The following COLEC10 variants were observed in gnomAD, a reference collection of about 807,000 sequenced individuals.
COLEC10 encodes collectin-10.
A neutral mutation model predicts 28.4 loss-of-function variants in COLEC10; 22 were observed. The ratio of observed to expected loss-of-function variants is 0.78; its 90% CI spans 0.55 to 1.11. The LOEUF (loss-of-function observed/expected upper bound fraction) is 1.11. Among genes scored for constraint, COLEC10 ranks in the 50% least tolerant of loss-of-function variants. The pLI, the probability that COLEC10 is intolerant of heterozygous loss-of-function variation, is 0.00. For synonymous variants in COLEC10, 125 were observed against 116.1 expected (o/e 1.08, Z -0.49); for missense variants, 361 against 344.1 (o/e 1.05, Z -0.39).
At chr8:118,984,925 A>G in the COLEC10 span, among the ~76,000 whole-genome samples, 1 of 152,110 alleles carries the variant, frequency 6.6e-6, no homozygotes, top group Non-Finnish European at 1.5e-5. Flanking sequence ...GGCAACTCCC[A>G]TTTTTTAAAA....
At chr8:119,069,824 AT>A (rs1815067350) in intron 1 of COLEC10, among the ~76,000 whole-genome samples, 1 of 151,158 alleles carries the variant, frequency 6.6e-6, no homozygotes, top group Non-Finnish European at 1.5e-5. Context: ...TGTTTTTTCA[AT>A]ATTTTTCCCC....
intron 2 of COLEC10, among the ~76,000 whole-genome samples, chr8:119,043,706 T>C (rs1305119102): frequency 6.6e-6 from 1 of 152,252 alleles, no homozygotes; most frequent in Admixed American, 6.5e-5. Context: ...ATAGTTGGAA[T>C]GTATGTTTTA....
Position 119,091,207 on chromosome 8 carries a change from C to T in COLEC10, c.279C>T (p.Pro93=), listed in dbSNP as rs770657025. The change falls in exon 3 of 6, where the codon CCC becomes CCT. Residue 93 remains proline (P), a synonymous_variant. Transcript: ENST00000332843. Reference sequence around the variant, plus strand: ...AGGGCAATATTGGCAAGACTGGGCCCATTGGGAAGAAGGGTAAGTTGCATC... The same window carrying T: ...AGGGCAATATTGGCAAGACTGGGCCTATTGGGAAGAAGGGTAAGTTGCATC... The part of the protein sequence containing the change: ...GDQGNIGKTG[P]IGKKGDKGEK... 1.2e-5 allele frequency: 20 copies of T among 1,611,706 alleles called. No individual in the cohort carries two copies. The highest frequency in any genetic ancestry group is 1.6e-5 in the Non-Finnish European group (19 of 1,178,730).
the COLEC10 span, among the ~76,000 whole-genome samples, chr8:118,978,887 G>C: frequency 6.6e-6 from 1 of 151,666 alleles, no homozygotes; most frequent in Non-Finnish European, 1.5e-5. Flanking sequence ...TATCACTTAG[G>C]CATTTTTAAA....
chr8:119,079,701 A>T (rs1355836057), intron 1 of COLEC10, among the ~76,000 whole-genome samples: 1 of 150,932 alleles, frequency 6.6e-6, no homozygotes, highest in Non-Finnish European at 1.5e-5. Flanking sequence ...AAGCTTGAAA[A>T]CGACAAAAAA....
chr8:119,083,509 G>T (rs1355943277), intron 1 of COLEC10, among the ~76,000 whole-genome samples: 3 of 152,040 alleles, frequency 2.0e-5, no homozygotes, highest in African/African-American at 4.8e-5. Flanking sequence ...CCAGGGAGTG[G>T]ATACCAAGAA....
At chr8:119,085,622 T>TTTTTTTTTTTTTTTTTTTTTTTC (rs1815465719) in intron 1 of COLEC10, among the ~76,000 whole-genome samples, 1 of 90,640 alleles carries the variant, frequency 1.1e-5, no homozygotes, top group Non-Finnish European at 2.2e-5. Context: ...TTTTTTTTTT[T>TTTTTTTTTTTTTTTTTTTTTTTC]GTTGTTGTTG....
At chr8:118,996,622 C>A (rs1461129261) in intron 1 of COLEC10, among the ~76,000 whole-genome samples, 1 of 152,120 alleles carries the variant, frequency 6.6e-6, no homozygotes, top group Admixed American at 6.6e-5. Flanking sequence ...CGTTGGGCAT[C>A]TTTTCATATA....
Position 119,049,017 on chromosome 8 carries a change from A to G in COLEC10, n.235+39464A>G, listed in dbSNP as rs565873023. Among the ~76,000 whole-genome samples, 10 of 152,198 alleles carry G rather than the reference A, an allele frequency of 6.6e-5. No individual in the cohort carries two copies. In the East Asian group the frequency reaches 1.9e-3, roughly 29 times the overall value. ...TAGCACTCCCTTAAGGACCTCTTAT[A>G]AGGCTGGTCTTGTTGAAATGTATTC... On this transcript the variant is annotated intron_variant and non_coding_transcript_variant, in intron 2 of 6. Transcript: ENST00000521788.
intron 2 of COLEC10, among the ~76,000 whole-genome samples, chr8:119,061,625 A>G (rs1447505610): frequency 1.3e-5 from 2 of 152,112 alleles, no homozygotes; most frequent in Non-Finnish European, 2.9e-5. Flanking sequence ...CAGCCAAAAT[A>G]TCACATAATT....
the COLEC10 span, among the ~76,000 whole-genome samples, chr8:118,953,311 G>C: frequency 6.6e-6 from 1 of 152,236 alleles, no homozygotes; most frequent in Non-Finnish European, 1.5e-5. Context: ...CTTGTATTTT[G>C]AATCGTAGTT....
At chr8:118,991,103 T>G (rs1718728294), upstream of COLEC10, among the ~76,000 whole-genome samples, 1 of 152,180 alleles carries the variant, frequency 6.6e-6, no homozygotes, top group Admixed American at 6.6e-5. Flanking sequence ...TGACAAATTA[T>G]TAATCATATA....
At chr8:118,957,052 T>C in the COLEC10 span, among the ~76,000 whole-genome samples, 1 of 152,208 alleles carries the variant, frequency 6.6e-6, no homozygotes, top group African/African-American at 2.4e-5. Flanking sequence ...CAAATAAATA[T>C]TAAACCAAAG....
At chr8:119,020,478 G>A (rs1487690766) in intron 2 of COLEC10, among the ~76,000 whole-genome samples, 2 of 152,138 alleles carry the variant, frequency 1.3e-5, no homozygotes, top group African/African-American at 4.8e-5. Context: ...CCTAGTAGAT[G>A]TACACAGACA....
intron 2 of COLEC10, among the ~76,000 whole-genome samples, chr8:119,028,710 T>G (rs1814237317): frequency 6.6e-6 from 1 of 152,196 alleles, no homozygotes; most frequent in African/African-American, 2.4e-5. Flanking sequence ...GGTTATTATA[T>G]GTTTTCTAAA....
At chr8:119,071,124 A>C (rs908869306) in intron 1 of COLEC10, among the ~76,000 whole-genome samples, 1 of 152,226 alleles carries the variant, frequency 6.6e-6, no homozygotes, top group African/African-American at 2.4e-5. Context: ...AAAAATGTAC[A>C]GGGCAAAGTC....
upstream of COLEC10, among the ~76,000 whole-genome samples, chr8:118,995,220 A>G (rs927693136): frequency 1.3e-5 from 2 of 151,642 alleles, no homozygotes; most frequent in African/African-American, 4.8e-5. Context: ...GAATTTGAGC[A>G]GGGTGCTTTG....
At chr8:118,965,290 A>T in the COLEC10 span, among the ~76,000 whole-genome samples, 1 of 152,014 alleles carries the variant, frequency 6.6e-6, no homozygotes, top group African/African-American at 2.4e-5. Context: ...GGCTCTTTCT[A>T]CCTTTCTTTT....
chr8:119,001,040 G>T (rs1813688557), intron 1 of COLEC10, among the ~76,000 whole-genome samples: 1 of 152,178 alleles, frequency 6.6e-6, no homozygotes, highest in South Asian at 2.1e-4. Flanking sequence ...GTAAAACCCT[G>T]CTCCTTCTCC....
Sources: gnomAD v4.1 joint callset for allele counts (sites outside exome capture counted in the v4.1 genomes callset) on GRCh38, gnomAD v4.1.1 for gene constraint, MANE v1.5 for transcripts, NCBI Gene and HGNC (gene_info 2026-07-23, HGNC 2026-07-21) for gene names.